Variants in USP16 observed in about 807,000 individuals in gnomAD.
The protein encoded by USP16 is ubiquitin specific peptidase 16.
Under a neutral mutation model 95.9 loss-of-function variants are expected in USP16, and 77 were observed. The ratio of observed to expected loss-of-function variants is 0.80; its 90% CI spans 0.67 to 0.97. The LOEUF is 0.97. Among genes scored for constraint, USP16 ranks in the 50% least tolerant of loss-of-function variants. The pLI is 0.00. For missense variants in USP16, 943 were observed against 959.9 expected (o/e 0.98, Z 0.23); for synonymous variants, 303 against 318.2 (o/e 0.95, Z 0.51).
intron 4 of USP16, among the ~76,000 whole-genome samples, chr21:29,035,699 A>G (rs117894989): frequency 0.03 from 4,618 of 151,982 alleles, 146 homozygotes; most frequent in Non-Finnish European, 0.044. Flanking sequence ...GCATCTTTCA[A>G]TTGTAAAAGT....
At chr21:29,043,741 T>C (rs1224609969) in intron 13 of USP16, 142 bp downstream of exon 13, 1 of 807,354 alleles carries the variant, frequency 1.2e-6, no homozygotes, top group Non-Finnish European at 1.7e-6. Context: ...TTAGCTCATT[T>C]AGTATTCTCT....
intron 12 of USP16, chr21:29,043,100 A>G (rs1460686865): frequency 1.2e-5 from 2 of 170,994 alleles, no homozygotes; most frequent in Non-Finnish European, 1.2e-5. Context: ...TGACTTACAT[A>G]AGTCACTTAG....
At chr21:29,043,286 C>T (rs2085271448) in intron 12 of USP16, 137 bp from the exon 13 acceptor site, 4 of 589,228 alleles carry the variant, frequency 6.8e-6, no homozygotes, top group Non-Finnish European at 7.7e-6. Context: ...AATTTTGTCT[C>T]ATCTATTTTC....
chr21:29,046,669 C>A lies in USP16; in HGVS notation c.1359C>A (p.Asn453Lys). The change falls in exon 14 of 18, where the codon AAC (asparagine) becomes AAA (lysine). Residue 453 changes from asparagine (N) to lysine (K), a missense_variant and splice_region_variant. Coordinates refer to ENST00000399976, the MANE Select transcript of USP16 (RefSeq NM_006447.3). Reference protein sequence around the residue: ...AKKQAKKQAKNQRRQQKIQGK... With the variant: ...AKKQAKKQAKKQRRQQKIQGK... ...GATGCCGTATACTTTTTACCCAGAA[C>A]CAACGAAGACAACAAAAAATTCAAG... 1 of 1,598,910 alleles carries A rather than the reference C, an allele frequency of 6.3e-7. No individual in the cohort carries two copies. Among genetic ancestry groups the A allele is most frequent in the Non-Finnish European group, 8.5e-7 (1 of 1,174,304 alleles).
Position 29,043,561 on chromosome 21 carries a change from C to A in USP16, c.1318C>A (p.Gln440Lys). 4 of 1,563,908 alleles carry A rather than the reference C, an allele frequency of 2.6e-6. No homozygotes were observed. Among genetic ancestry groups the A allele is most frequent in the African/African-American group, 1.4e-5 (1 of 72,034 alleles). The part of the protein sequence containing the change: ...DIPSGTSKHL[Q>K]KKAKKQAKKQ... ...TCCTTCTGGAACAAGTAAGCACTTA[C>A]AGAAAAAAGCAAAGAAACAAGCCAA... is the stretch of plus-strand genomic sequence containing the variant. The change falls in exon 13 of 18, where the codon CAG becomes AAG. Residue 440 changes from glutamine (Q) to lysine (K), a missense_variant. Physicochemically the swap from Gln to Lys is moderately conservative, Grantham distance 53 (BLOSUM62 1). Transcript: ENST00000399976.
chr21:29,027,952 C>A lies in USP16; in HGVS notation c.39C>A (p.Ile13=). 1 of 1,612,996 alleles carries A rather than the reference C, an allele frequency of 6.2e-7. No individual in the cohort carries two copies. Among genetic ancestry groups the A allele is most frequent in the South Asian group, 1.1e-5 (1 of 91,014 alleles). Residue 13 remains isoleucine, a synonymous_variant, in exon 2 of 18, where the codon ATC becomes ATA. Coordinates refer to ENST00000399976, the MANE Select transcript of USP16 (RefSeq NM_006447.3). ...GGACAAAGGGAAAAACTGTTCCAAT[C>A]GATGATTCCTCTGAAACTTTAGGTA... is the stretch of plus-strand genomic sequence containing the variant. The part of the protein sequence containing the change: ...KKRTKGKTVP[I]DDSSETLEPV...
rs1188143072 is a variant in USP16, at chr21:29,043,971, C to T, written c.1356+372C>T. On this transcript the variant is annotated intron_variant, in intron 13 of 17. Coordinates refer to ENST00000399976, the MANE Select transcript of USP16 (RefSeq NM_006447.3). ...AACCCGAGATGGAGTCTTGCTGTGT[C>T]GCCCAGGCCAGAGTGCAGTGGCACG... Among the ~76,000 whole-genome samples, 6 of 152,066 alleles carry T rather than the reference C, an allele frequency of 3.9e-5. No individual in the cohort carries two copies. In the South Asian group the frequency reaches 6.2e-4, roughly 16 times the overall value.
At chr21:29,046,277 C>T (rs1301723253) in intron 13 of USP16, among the ~76,000 whole-genome samples, 5 of 152,164 alleles carry the variant, frequency 3.3e-5, no homozygotes, top group African/African-American at 1.2e-4. Context: ...GCTGGGACTA[C>T]AGGTGGACAC....
chr21:29,051,323 C>G (rs1294302233), intron 16 of USP16, among the ~76,000 whole-genome samples: 1 of 152,130 alleles, frequency 6.6e-6, no homozygotes, highest in Admixed American at 6.5e-5. Context: ...TATCTGAGAC[C>G]TATAGCAGAG....
chr21:29,039,285 A>G lies in USP16; in HGVS notation c.863+129A>G, dbSNP rs1002774525. 193 of 1,143,940 alleles carry G rather than the reference A, an allele frequency of 1.7e-4. 3 individuals are homozygous for G. The highest frequency in any genetic ancestry group is 6.3e-4 in the Middle Eastern group (2 of 3,196). 70.9% of individuals were successfully genotyped at this position (1,143,940 alleles called of 1,614,324 possible). A position where few individuals can be genotyped will look rare whatever the true frequency, so the allele number is the denominator to read the frequency against. On this transcript the variant is annotated intron_variant, in intron 8 of 17. Transcript: ENST00000399976. Reference sequence around the variant, plus strand: ...AGTCAACCCTCTATATACAAAAGGCATAGTTTTTTTTCATTTGGATTTTAA... The same window carrying G: ...AGTCAACCCTCTATATACAAAAGGCGTAGTTTTTTTTCATTTGGATTTTAA...
At chr21:29,044,334 A>G (rs371959141) in intron 13 of USP16, among the ~76,000 whole-genome samples, 1 of 151,906 alleles carries the variant, frequency 6.6e-6, no homozygotes, top group African/African-American at 2.4e-5. Context: ...ACAAATATGC[A>G]GTCTTGGTTT....
intron 6 of USP16, among the ~76,000 whole-genome samples, 167 bp downstream of exon 6, chr21:29,037,630 G>A (rs980769129): frequency 7.4e-6 from 1 of 135,784 alleles, no homozygotes; most frequent in Non-Finnish European, 1.5e-5. Context: ...TCTGTCACTC[G>A]GCTGGAGTGC....
intron 1 of USP16, 82 bp downstream of exon 1, chr21:29,024,859 T>G: frequency 3.3e-6 from 4 of 1,205,448 alleles, no homozygotes; most frequent in Non-Finnish European, 4.2e-6. Flanking sequence ...CGCCCCAACT[T>G]CGTTCTCTTC....
At chr21:29,036,596 T>C (rs896525061) in intron 5 of USP16, among the ~76,000 whole-genome samples, 4 of 152,238 alleles carry the variant, frequency 2.6e-5, no homozygotes, top group Non-Finnish European at 4.4e-5. Flanking sequence ...GTAATGGCCA[T>C]TAATGCTAAG....
At position 29,054,446 on chromosome 21, in the gene USP16, G is replaced by T; in HGVS notation, c.*259G>T. 1 of 437,526 alleles carries T rather than the reference G, an allele frequency of 2.3e-6. No homozygotes were observed. The highest frequency in any genetic ancestry group is 4.1e-6 in the Non-Finnish European group (1 of 246,288). 27.1% of individuals were successfully genotyped at this position (437,526 alleles called of 1,614,324 possible). ...AAGTACTTTGTGTTTAATATATCTGGGTGATGGATCACAACACATCAATAA... is the reference window on the plus strand; with the variant it reads ...AAGTACTTTGTGTTTAATATATCTGTGTGATGGATCACAACACATCAATAA... On this transcript the variant is annotated 3_prime_UTR_variant, in exon 18 of 18. Transcript: ENST00000399976.
At position 29,027,921 on chromosome 21, in the gene USP16, A is replaced by G; in HGVS notation, c.8A>G (p.Lys3Arg). 1 of 1,613,724 alleles carries G rather than the reference A, an allele frequency of 6.2e-7. No individual in the cohort carries two copies. The highest frequency in any genetic ancestry group is 1.3e-5 in the African/African-American group (1 of 75,030). The change falls in exon 2 of 18, where the codon AAG becomes AGG. Residue 3 changes from lysine (K) to arginine (R), a missense_variant. Lys to Arg is a conservative substitution (Grantham distance 26). Coordinates refer to ENST00000399976, the MANE Select transcript of USP16 (RefSeq NM_006447.3). ...AATCCATAAAGTGCCAACATGGGAA[A>G]GAAACGGACAAAGGGAAAAACTGTT... is the stretch of plus-strand genomic sequence containing the variant. Reference protein sequence around the residue: MGKKRTKGKTVPI... With the variant: MGRKRTKGKTVPI...
Position 29,046,682 on chromosome 21 carries a change from CAAAA to C in USP16, c.1375_1378del (p.Lys459PhefsTer8), listed in dbSNP as rs1244374446. ...TTTTACCCAGAACCAACGAAGACAA[CAAAA>C]AATTCAAGGAAAAGTTCTTCATTTA... On this transcript the variant is annotated frameshift_variant, in exon 14 of 18. Coordinates refer to ENST00000399976, the MANE Select transcript of USP16 (RefSeq NM_006447.3). LOFTEE classifies it high-confidence loss of function. 3 of 1,603,752 alleles carry C rather than the reference CAAAA, an allele frequency of 1.9e-6. No individual in the cohort carries two copies. In the African/African-American group the frequency reaches 4.0e-5, roughly 22 times the overall value.
At chr21:29,036,230 T>A in intron 4 of USP16, 41 bp from the exon 5 acceptor site, 1 of 1,516,668 alleles carries the variant, frequency 6.6e-7, no homozygotes, top group Non-Finnish European at 9.1e-7. Context: ...CCTTTTTAGT[T>A]GTCATTTTGT....
rs1395360257 is a variant in USP16, at chr21:29,042,040, G to A, written c.1058G>A (p.Ser353Asn). 3.7e-6 allele frequency: 6 copies of A among 1,613,040 alleles called. No individual in the cohort carries two copies. In the African/African-American group the frequency reaches 6.7e-5, roughly 18 times the overall value. The change falls in exon 11 of 18, where the codon AGT (serine) becomes AAT (asparagine). Residue 353 changes from serine (S) to asparagine (N), a missense_variant. Transcript: ENST00000399976. ...KDYEKKKSMP[S>N]FVDRIFGGEL... Reference sequence around the variant, plus strand: ...TATGAGAAGAAAAAATCAATGCCAAGTTTTGTTGACCGCATCTTTGGTGGT... The same window carrying A: ...TATGAGAAGAAAAAATCAATGCCAAATTTTGTTGACCGCATCTTTGGTGGT...
Sources: gnomAD v4.1 joint callset for allele counts (sites outside exome capture counted in the v4.1 genomes callset) on GRCh38, gnomAD v4.1.1 for gene constraint, MANE v1.5 for transcripts, NCBI Gene and HGNC (gene_info 2026-07-23, HGNC 2026-07-21) for gene names.